TMEM134: variants seen among roughly 807,000 people sequenced by gnomAD.
The protein encoded by TMEM134 is transmembrane protein 134.
A neutral mutation model predicts 26.2 loss-of-function variants in TMEM134; 36 were observed. The observed-to-expected ratio is 1.37, with a 90% confidence interval of 1.05 to 1.81. TMEM134 has a LOEUF of 1.81. Among genes scored for constraint, TMEM134 ranks in the 40% most tolerant of loss-of-function variants. The pLI is 0.00. For missense variants in TMEM134, 339 were observed against 263.5 expected (o/e 1.29, Z -1.98); for synonymous variants, 133 against 113.6 (o/e 1.17, Z -1.08).
At position 67,467,760 on chromosome 11, in the gene TMEM134, G is replaced by A. The variant is rs1360101688; in HGVS notation, c.240-170C>T. ...GAGCATGAATTCAGGGGCTGGGGAT[G>A]AGCTAGGGGATTCTGTAGGACAGGT... On this transcript the variant is annotated intron_variant, in intron 2 of 6. Transcript: ENST00000308022. 5 of 701,386 alleles carry A rather than the reference G, an allele frequency of 7.1e-6. No individual in the cohort carries two copies. In the East Asian group the frequency reaches 1.3e-4, roughly 19 times the overall value. 43.4% of individuals were successfully genotyped at this position (701,386 alleles called of 1,614,324 possible). A position where few individuals can be genotyped will look rare whatever the true frequency, so the allele number is the denominator to read the frequency against.
At chr11:67,466,665 T>G (rs984630140) in intron 4 of TMEM134, 13 of 154,674 alleles carry the variant, frequency 8.4e-5, no homozygotes, top group African/African-American at 3.1e-4. Flanking sequence ...AGTTAGTCCC[T>G]TCTTATGGAT....
At chr11:67,466,706 G>A (rs575672738) in intron 4 of TMEM134, 3 of 159,050 alleles carry the variant, frequency 1.9e-5, no homozygotes, top group African/African-American at 7.2e-5. Context: ...GATCCTTTCT[G>A]GGGACTCTGC....
Position 67,464,607 on chromosome 11 carries a change from G to A in TMEM134, c.*7C>T, listed in dbSNP as rs1274846012. On this transcript the variant is annotated 3_prime_UTR_variant, in exon 7 of 7. Coordinates refer to ENST00000308022, the MANE Select transcript of TMEM134 (RefSeq NM_025124.4). The stretch of plus-strand genomic sequence containing the variant: ...CATGGGCGCAAGGGGTCCACGCTGC[G>A]CCGCGATCACTTCTCGAAGTAGGGC... The A allele has an allele frequency of 1.3e-6, 2 of 1,551,758 alleles. No individual in the cohort carries two copies. Among genetic ancestry groups the A allele is most frequent in the Non-Finnish European group, 8.7e-7 (1 of 1,147,062 alleles).
chr11:67,468,654 A>T (rs1865441157), intron 1 of TMEM134, among the ~76,000 whole-genome samples: 1 of 152,162 alleles, frequency 6.6e-6, no homozygotes, highest in South Asian at 2.1e-4. Context: ...CCTGGGGCAC[A>T]GGGGATGCTC....
At position 67,464,291 on chromosome 11, in the gene TMEM134, G is replaced by C; in HGVS notation, c.*323C>G. 2 of 444,664 alleles carry C rather than the reference G, an allele frequency of 4.5e-6. No individual in the cohort carries two copies. Among genetic ancestry groups the C allele is most frequent in the Non-Finnish European group, 8.2e-6 (2 of 242,706 alleles). 27.5% of individuals were successfully genotyped at this position (444,664 alleles called of 1,614,324 possible). ...AGCGTCAGGGTCAGTCCTTGGGAGGGGGGCTGTGGTCAGGCTGGTGGGCTG... is the reference window on the plus strand; with the variant it reads ...AGCGTCAGGGTCAGTCCTTGGGAGGCGGGCTGTGGTCAGGCTGGTGGGCTG... On this transcript the variant is annotated 3_prime_UTR_variant, in exon 7 of 7. Transcript: ENST00000308022.
At chr11:67,468,649 G>A (rs1460181763) in intron 1 of TMEM134, among the ~76,000 whole-genome samples, 1 of 152,190 alleles carries the variant, frequency 6.6e-6, no homozygotes, top group Non-Finnish European at 1.5e-5. Context: ...GCTGGCCTGG[G>A]GCACAGGGGA....
At position 67,464,683 on chromosome 11, in the gene TMEM134, G is replaced by T. The variant is rs1389160173; in HGVS notation, c.519C>A (p.Ile173=). ...GGCCCTTGACCGCGCAGTAGATGAAGATCACGTGATAGACTGCGGGGCGGG... is the reference window on the plus strand; with the variant it reads ...GGCCCTTGACCGCGCAGTAGATGAATATCACGTGATAGACTGCGGGGCGGG... ...LLLVPGVYHV[I]FIYCAVKGHR... Residue 173 remains isoleucine (I), a synonymous_variant, in exon 7 of 7, where the codon ATC becomes ATA. Transcript: ENST00000308022. 1 of 1,553,554 alleles carries T rather than the reference G, an allele frequency of 6.4e-7. No homozygotes were observed. The highest frequency in any genetic ancestry group is 8.7e-7 in the Non-Finnish European group (1 of 1,147,920).
At chr11:67,466,877 G>A (rs1182653495) in intron 4 of TMEM134, 1 of 209,450 alleles carries the variant, frequency 4.8e-6, no homozygotes, top group Admixed American at 5.3e-5. Flanking sequence ...GTGCCCTGCG[G>A]CTCTGCACTG....
At chr11:67,465,302 T>C in intron 4 of TMEM134, 1 of 1,377,278 alleles carries the variant, frequency 7.3e-7, no homozygotes, top group Non-Finnish European at 9.5e-7. Context: ...TTTTTCTTTG[T>C]TCCTTGGGGT....
Position 67,467,341 on chromosome 11 carries a change from G to A in TMEM134, c.377C>T (p.Ala126Val), listed in dbSNP as rs1057304709. 1.9e-6 allele frequency: 3 copies of A among 1,613,752 alleles called. No individual in the cohort carries two copies. Among genetic ancestry groups the A allele is most frequent in the Non-Finnish European group, 2.5e-6 (3 of 1,179,898 alleles). ...CCCCAGCAGCAGGAGCAGGAAGGAG[G>A]CCAGCACCACTCGGCGGTTCTTCTG... ...LIQKNRRVVL[A>V]SFLLLLLGLV... is the part of the protein sequence containing the mutation. The change falls in exon 4 of 7, where the codon GCC becomes GTC. Residue 126 changes from alanine to valine, a missense_variant. Coordinates refer to ENST00000308022, the MANE Select transcript of TMEM134 (RefSeq NM_025124.4).
chr11:67,465,083 C>G lies in TMEM134; in HGVS notation c.424G>C (p.Val142Leu). 6.3e-7 allele frequency: 1 copy of G among 1,586,602 alleles called. No individual in the cohort carries two copies. Among genetic ancestry groups the G allele is most frequent in the Non-Finnish European group, 8.5e-7 (1 of 1,170,214 alleles). The change falls in exon 5 of 7, where the codon GTG (valine) becomes CTG (leucine). Residue 142 changes from valine to leucine, a missense_variant. Coordinates refer to ENST00000308022, the MANE Select transcript of TMEM134 (RefSeq NM_025124.4). ...GGAGAGGGGGTCGCCTCCAGTCCCA[C>G]GCCGACCAGGATCAGCACTGCACAC... The part of the protein sequence containing the change: ...LLGLVLILVG[V>L]GLEATPSPGV...
chr11:67,467,476 T>G (rs1865339943), intron 3 of TMEM134, 25 bp downstream of exon 3: 1 of 1,612,948 alleles, frequency 6.2e-7, no homozygotes, highest in Admixed American at 1.7e-5. Flanking sequence ...GCTGCTCGGC[T>G]GGGGGCTTAG....
In TMEM134 at chr11:67,469,071, C is replaced by T; in HGVS notation, c.122G>A (p.Arg41Gln). ...CTCGTCAGCCACCTCGAACCGGGCC[C>T]GACGCTCGAAGTGCAGCGGCCCAAA... The part of the protein sequence containing the change: ...ARFGPLHFER[R>Q]ARFEVADEDK... Residue 41 changes from arginine (R) to glutamine (Q), a missense_variant, in exon 1 of 7, where the codon CGG becomes CAG. Coordinates refer to ENST00000308022, the MANE Select transcript of TMEM134 (RefSeq NM_025124.4). 6.6e-7 allele frequency: 1 copy of T among 1,515,118 alleles called. No individual in the cohort carries two copies. 93.9% of individuals were successfully genotyped at this position (1,515,118 alleles called of 1,614,324 possible). A position where few individuals can be genotyped will look rare whatever the true frequency, so the allele number is the denominator to read the frequency against.
Position 67,465,077 on chromosome 11 carries a change from G to T in TMEM134, c.430C>A (p.Leu144Met). The change falls in exon 5 of 7, where the codon CTG (leucine) becomes ATG (methionine). Residue 144 changes from leucine (L) to methionine (M), a missense_variant. Physicochemically the swap from Leu to Met is conservative, Grantham distance 15. Coordinates refer to ENST00000308022, the MANE Select transcript of TMEM134 (RefSeq NM_025124.4). ...GLVLILVGVG[L>M]EATPSPGVSS... ...TCACCTGGAGAGGGGGTCGCCTCCA[G>T]TCCCACGCCGACCAGGATCAGCACT... 6.3e-7 allele frequency: 1 copy of T among 1,586,850 alleles called. No individual in the cohort carries two copies.
At chr11:67,467,030 T>C in intron 4 of TMEM134, 1 of 512,166 alleles carries the variant, frequency 2.0e-6, no homozygotes, top group Non-Finnish European at 3.5e-6. Context: ...GCTACTCTTC[T>C]GTCCTCTAAT....
At position 67,463,948 on chromosome 11, in the gene TMEM134, G is replaced by A. The variant is rs57538070; in HGVS notation, c.*666C>T. On this transcript the variant is annotated 3_prime_UTR_variant, in exon 7 of 7. Coordinates refer to ENST00000308022, the MANE Select transcript of TMEM134 (RefSeq NM_025124.4). ...GGGAAGGAGGGCAGTGGGTGGAGGGGGCTGGGCCATTGCCTTGACATGGCC... is the reference window on the plus strand; with the variant it reads ...GGGAAGGAGGGCAGTGGGTGGAGGGAGCTGGGCCATTGCCTTGACATGGCC... 0.023 allele frequency: 3,609 copies of A among 154,830 alleles called. 67 individuals carry two copies. Among genetic ancestry groups the A allele is most frequent in the East Asian group, 0.054 (282 of 5,198 alleles). 9.6% of individuals were successfully genotyped at this position (154,830 alleles called of 1,614,324 possible).
Position 67,463,269 on chromosome 11 carries a change from G to C in TMEM134, c.*1345C>G, listed in dbSNP as rs949854581. The C allele has an allele frequency of 3.3e-5, 5 of 152,274 alleles. No homozygotes were observed. Among genetic ancestry groups the C allele is most frequent in the Non-Finnish European group, 5.9e-5 (4 of 68,138 alleles). 9.4% of individuals were successfully genotyped at this position (152,274 alleles called of 1,614,324 possible). Reference sequence around the variant, plus strand: ...GTTTGTGGGACCCGTGTTTTGGTGGGGGAGATAGACAGTACGGGCAGGTGC... The same window carrying C: ...GTTTGTGGGACCCGTGTTTTGGTGGCGGAGATAGACAGTACGGGCAGGTGC... On this transcript the variant is annotated 3_prime_UTR_variant, in exon 7 of 7. Transcript: ENST00000308022.
At chr11:67,465,738 C>A (rs1448301065) in intron 4 of TMEM134, among the ~76,000 whole-genome samples, 2 of 151,686 alleles carry the variant, frequency 1.3e-5, no homozygotes, top group African/African-American at 4.8e-5. Flanking sequence ...CCAGCCTGGG[C>A]AACATACCAA....
chr11:67,465,007 A>G (rs199669799), intron 5 of TMEM134, 49 bp downstream of exon 5: 7 of 1,502,618 alleles, frequency 4.7e-6, no homozygotes, highest in Non-Finnish European at 6.4e-6. Context: ...GGACCCGTGG[A>G]CACAAGACAG....
Sources: allele counts gnomAD v4.1 joint callset (sites outside exome capture counted in the v4.1 genomes callset), GRCh38; gene constraint gnomAD v4.1.1; transcripts MANE v1.5; gene names NCBI Gene and HGNC (gene_info 2026-07-23, HGNC 2026-07-21).